Variants in MICAL3 observed in about 807,000 individuals in gnomAD.
The protein encoded by MICAL3 is microtubule associated monooxygenase, calponin and LIM domain containing 3, also known as [F-actin]-monooxygenase MICAL3.
MICAL3 carries 62 observed loss-of-function variants against 207.4 expected under a neutral mutation model. The ratio of observed to expected loss-of-function variants is 0.30; its 90% CI spans 0.24 to 0.37. MICAL3 has a LOEUF of 0.37. Ranked by LOEUF, MICAL3 falls within the 10% of genes least tolerant of loss-of-function variation. MICAL3 has a pLI of 1.00. For synonymous variants in MICAL3, 1,077 were observed against 1,069.3 expected (o/e 1.01, Z -0.14); for missense variants, 2,368 against 2,635.6 (o/e 0.90, Z 2.22).
intron 30 of MICAL3, 43 bp downstream of exon 30, chr22:17,791,159 G>A: frequency 6.2e-7 from 1 of 1,607,912 alleles, no homozygotes; most frequent in Non-Finnish European, 8.5e-7. Flanking sequence ...CATGCCGGCT[G>A]TGACAAGCAT....
At chr22:17,797,889 C>G (rs1258571945) in intron 29 of MICAL3, among the ~76,000 whole-genome samples, 1 of 152,264 alleles carries the variant, frequency 6.6e-6, no homozygotes, top group African/African-American at 2.4e-5. Context: ...TGCTGGACAA[C>G]TGGCCCCGGG....
At chr22:17,889,599 G>A (rs1930227797) in intron 12 of MICAL3, among the ~76,000 whole-genome samples, 1 of 152,192 alleles carries the variant, frequency 6.6e-6, no homozygotes, top group Non-Finnish European at 1.5e-5. Flanking sequence ...GGGTGAGGCA[G>A]GAGAATTGCT....
At position 17,977,429 on chromosome 22, in the gene MICAL3, G is replaced by A. The variant is rs114087872; in HGVS notation, c.-75+46852C>T. Reference sequence around the variant, plus strand: ...AGACCCAGAAGCACAAGAAAAGAAAGACGCCAATAAGCACATGAAAGGATG... The same window carrying A: ...AGACCCAGAAGCACAAGAAAAGAAAAACGCCAATAAGCACATGAAAGGATG... On this transcript the variant is annotated intron_variant, in intron 1 of 31. Coordinates refer to ENST00000441493, the MANE Select transcript of MICAL3 (RefSeq NM_015241.3). Among the ~76,000 whole-genome samples the A allele has an allele frequency of 6.2e-3, 942 of 151,904 alleles. 14 individuals are homozygous for A. The highest frequency in any genetic ancestry group is 0.017 in the African/African-American group (716 of 41,374).
chr22:17,872,398 G>A (rs2146168528), intron 16 of MICAL3, among the ~76,000 whole-genome samples: 1 of 152,298 alleles, frequency 6.6e-6, no homozygotes, highest in South Asian at 2.1e-4. Flanking sequence ...AGGGAGAGGG[G>A]CGAGAAGGGA....
Position 17,944,627 on chromosome 22 carries a change from C to A in MICAL3, c.-74-37741G>T, listed in dbSNP as rs1437421128. Among the ~76,000 whole-genome samples the A allele has an allele frequency of 2.0e-5, 3 of 152,184 alleles. 1 individual carries two copies. In the South Asian group the frequency reaches 6.2e-4, roughly 32 times the overall value. On this transcript the variant is annotated intron_variant, in intron 1 of 31. Transcript: ENST00000441493. ...CAGCAGTGCCAGGCAGCAGTGAGCA[C>A]ACGCACCCACTGACGATAGGACTGT...
At chr22:17,819,897 C>T (rs912526195) in intron 25 of MICAL3, among the ~76,000 whole-genome samples, 31 of 143,348 alleles carry the variant, frequency 2.2e-4, no homozygotes, top group African/African-American at 7.6e-4. Flanking sequence ...GAGCCAAGAT[C>T]GCGCCACTGC....
Position 17,916,089 on chromosome 22 carries a change from G to C in MICAL3, c.-74-9203C>G, listed in dbSNP as rs5747410. 7.0e-5 allele frequency among the ~76,000 whole-genome samples: 10 copies of C among 142,104 alleles called. No individual in the cohort carries two copies. In the East Asian group the frequency reaches 1.5e-3, roughly 21 times the overall value. 93.2% of individuals were successfully genotyped at this position (142,104 alleles called of 152,430 possible). ...AAAAAAAAAAAAAAAAACCCAAAAAGCAACAAAAAACAAAAACCAAAAAAC... is the reference window on the plus strand; with the variant it reads ...AAAAAAAAAAAAAAAAACCCAAAAACCAACAAAAAACAAAAACCAAAAAAC... On this transcript the variant is annotated intron_variant, in intron 1 of 31. Coordinates refer to ENST00000441493, the MANE Select transcript of MICAL3 (RefSeq NM_015241.3).
rs768673650 is a variant in MICAL3, at chr22:17,831,888, C to T, written c.3021G>A (p.Glu1007=). The T allele has an allele frequency of 1.9e-6, 3 of 1,548,440 alleles. No individual in the cohort carries two copies. The highest frequency in any genetic ancestry group is 2.7e-5 in the African/African-American group (2 of 72,794). Residue 1007 remains glutamate (E), a synonymous_variant, in exon 21 of 32, where the codon GAG becomes GAA. Coordinates refer to ENST00000441493, the MANE Select transcript of MICAL3 (RefSeq NM_015241.3). ...ACTCTTCCTCCTCCTCGTCATAGTC[C>T]TCCTCCTCCTCCTCTTCATATTCTT... ...EEEEYEEEEE[E]DYDEEEEESS...
intron 1 of MICAL3, among the ~76,000 whole-genome samples, chr22:17,970,395 G>C (rs1278075222): frequency 1.3e-5 from 2 of 152,040 alleles, no homozygotes; most frequent in Admixed American, 6.6e-5. Context: ...CAGCTGCAGG[G>C]CCATGATCAG....
intron 29 of MICAL3, chr22:17,803,921 A>G: frequency 1.3e-6 from 1 of 765,860 alleles, no homozygotes; most frequent in South Asian, 6.0e-5. Context: ...CTGTCCCCCC[A>G]TACCCAATCA....
At chr22:17,986,095 T>C (rs556846245) in intron 1 of MICAL3, among the ~76,000 whole-genome samples, 164 of 152,292 alleles carry the variant, frequency 1.1e-3, no homozygotes, top group Non-Finnish European at 1.5e-3. Flanking sequence ...TTAGTAGAGA[T>C]AGGGTTTCAC....
chr22:17,798,597 A>G (rs1385870532), intron 29 of MICAL3, among the ~76,000 whole-genome samples: 2 of 151,524 alleles, frequency 1.3e-5, no homozygotes, highest in Admixed American at 6.6e-5. Context: ...TGATGCCACT[A>G]TATTTACTGC....
chr22:17,841,953 C>G lies in MICAL3; in HGVS notation c.2670G>C (p.Arg890=). The change falls in exon 20 of 32, where the codon CGG becomes CGC. Residue 890 remains arginine, a synonymous_variant. Coordinates refer to ENST00000441493, the MANE Select transcript of MICAL3 (RefSeq NM_015241.3). The surrounding 1 kb of genome is among the most constrained non-coding windows in gnomAD (Gnocchi z 4.2). ...ACAGGCGGTAGTTCTCCAGCTCGAT[C>G]CGCTCTGGGGTGCCCCTCAGTCGCT... is the stretch of plus-strand genomic sequence containing the variant. ...IAKRLRGTPE[R]IELENYRLSL... The G allele has an allele frequency of 6.2e-7, 1 of 1,606,782 alleles. No individual in the cohort carries two copies. Among genetic ancestry groups the G allele is most frequent in the Non-Finnish European group, 8.5e-7 (1 of 1,178,686 alleles).
At chr22:17,876,831 G>A (rs866159837) in intron 16 of MICAL3, 16 of 136,628 alleles carry the variant, frequency 1.2e-4, no homozygotes, top group East Asian at 4.2e-4. Context: ...GGAGGTTATG[G>A]AGGTTAGGGA....
intron 1 of MICAL3, among the ~76,000 whole-genome samples, chr22:17,986,019 A>AC (rs2146450305): frequency 6.6e-6 from 1 of 151,970 alleles, no homozygotes; most frequent in African/African-American, 2.4e-5. Context: ...GCAATTCTCT[A>AC]CCTCAGCCTC....
intron 1 of MICAL3, among the ~76,000 whole-genome samples, chr22:18,022,796 G>GATAGT (rs1924568402): frequency 6.6e-6 from 1 of 152,112 alleles, no homozygotes; most frequent in Non-Finnish European, 1.5e-5. Flanking sequence ...ATACACATGT[G>GATAGT]ACTCTGGTTA....
chr22:17,863,394 A>T lies in MICAL3; in HGVS notation c.2605+1505T>A, dbSNP rs528481485. ...TCCAACTGAATGTACATTCTATAGCATAAAGCCAAAGTCTCTGTCTAGACC... is the reference window on the plus strand; with the variant it reads ...TCCAACTGAATGTACATTCTATAGCTTAAAGCCAAAGTCTCTGTCTAGACC... On this transcript the variant is annotated intron_variant, in intron 19 of 31. Coordinates refer to ENST00000441493, the MANE Select transcript of MICAL3 (RefSeq NM_015241.3). The T allele has an allele frequency of 2.6e-5, 26 of 985,444 alleles. No individual in the cohort carries two copies. In the East Asian group the frequency reaches 2.9e-3, roughly 112 times the overall value. The allele number at this position is 985,444 out of a possible 1,614,324, so 61.0% of individuals were successfully genotyped here.
In MICAL3 at chr22:17,810,776, A is replaced by G. The variant is rs201527623; in HGVS notation, c.5483T>C (p.Leu1828Pro). Residue 1828 changes from leucine (L) to proline (P), a missense_variant, in exon 28 of 32, where the codon CTG becomes CCG. Physicochemically the swap from Leu to Pro is moderately conservative, Grantham distance 98. Transcript: ENST00000441493. ...AGCTGCCTTTTGCACACGCCGGGTC[A>G]GCTTGGCATTCAGTTCCTCCTCCGT... Reference protein sequence around the residue: ...TYTEEELNAKLTRRVQKAARR... With the variant: ...TYTEEELNAKPTRRVQKAARR... The G allele has an allele frequency of 1.1e-3, 1,765 of 1,613,880 alleles. 3 individuals are homozygous for G. Among genetic ancestry groups the G allele is most frequent in the Non-Finnish European group, 1.4e-3 (1,677 of 1,179,886 alleles).
Position 17,817,729 on chromosome 22 carries a change from C to A in MICAL3, c.4932G>T (p.Glu1644Asp). ...KASSAPSQGK[E>D]RRPDSPTRPT... ...GGCGTGTGGGGGAGTCAGGCCGGCG[C>A]TCCTTGCCCTGGGAGGGTGCTGAGG... The change falls in exon 26 of 32, where the codon GAG becomes GAT. Residue 1644 changes from glutamate (E) to aspartate (D), a missense_variant. Glu to Asp is a conservative substitution (Grantham distance 45, BLOSUM62 2). Around this residue, in one of 4 missense-constraint regions of MICAL3, gnomAD observed 1,770 missense variants for 1,863.2 expected, o/e 0.95. Coordinates refer to ENST00000441493, the MANE Select transcript of MICAL3 (RefSeq NM_015241.3). The A allele has an allele frequency of 6.3e-7, 1 of 1,590,114 alleles. No individual in the cohort carries two copies.
Sources: allele counts gnomAD v4.1 joint callset (sites outside exome capture counted in the v4.1 genomes callset), GRCh38; gene constraint gnomAD v4.1.1; regional missense constraint gnomAD v4.1.1; non-coding constraint Gnocchi (gnomAD v3.1); transcripts MANE v1.5; gene names NCBI Gene and HGNC (gene_info 2026-07-23, HGNC 2026-07-21).